The following EPHA5 variants were observed in gnomAD, a reference collection of about 807,000 sequenced individuals.
The protein encoded by EPHA5 is EPH receptor A5.
Under a neutral mutation model 105.0 loss-of-function variants are expected in EPHA5, and 60 were observed. That is an observed-to-expected ratio of 0.57 (90% CI 0.46 to 0.71). EPHA5 has a LOEUF of 0.71. EPHA5 is among the 30% of genes least tolerant of loss of function. The pLI is 0.00. For synonymous variants in EPHA5, 513 were observed against 449.1 expected (o/e 1.14, Z -1.80); for missense variants, 1,218 against 1,274.7 (o/e 0.96, Z 0.68).
intron 3 of EPHA5, among the ~76,000 whole-genome samples, chr4:65,569,006 AT>A (rs149411060): frequency 0.017 from 2,555 of 151,454 alleles, 78 homozygotes; most frequent in African/African-American, 0.058. Context: ...AAATGCTTAA[AT>A]GATTGAAAAG....
chr4:65,428,976 C>T (rs947802046), intron 5 of EPHA5, among the ~76,000 whole-genome samples: 2 of 151,926 alleles, frequency 1.3e-5, no homozygotes, highest in African/African-American at 2.4e-5. Flanking sequence ...CAACATGCCT[C>T]CTTCTGAATA....
At chr4:65,561,127 T>C (rs1251112256) in intron 3 of EPHA5, among the ~76,000 whole-genome samples, 2 of 151,582 alleles carry the variant, frequency 1.3e-5, no homozygotes, top group Non-Finnish European at 1.5e-5. Flanking sequence ...TTTGACATGA[T>C]GGAAAAAAAA....
intron 14 of EPHA5, among the ~76,000 whole-genome samples, chr4:65,345,574 A>T (rs1242388879): frequency 1.3e-5 from 2 of 152,232 alleles, no homozygotes; most frequent in Non-Finnish European, 2.9e-5. Context: ...GGGAACAGAC[A>T]GAGAGCGAGA....
intron 9 of EPHA5, among the ~76,000 whole-genome samples, chr4:65,366,515 A>G (rs1470027480): frequency 6.6e-6 from 1 of 151,938 alleles, no homozygotes; most frequent in Non-Finnish European, 1.5e-5. Context: ...CATATAAGTC[A>G]AAAGAAAGTA....
At chr4:65,403,915 C>T (rs956125233) in intron 8 of EPHA5, among the ~76,000 whole-genome samples, 4 of 152,020 alleles carry the variant, frequency 2.6e-5, no homozygotes, top group East Asian at 1.9e-4. Context: ...AGCTTGTTTG[C>T]CATAATTTCT....
intron 7 of EPHA5, among the ~76,000 whole-genome samples, chr4:65,410,319 G>A (rs907250412): frequency 6.6e-6 from 1 of 152,144 alleles, no homozygotes; most frequent in African/African-American, 2.4e-5. Flanking sequence ...CAAATTAAAA[G>A]GCACGTACTG....
intron 3 of EPHA5, among the ~76,000 whole-genome samples, chr4:65,573,079 G>T (rs1011194977): frequency 7.3e-5 from 11 of 151,348 alleles, no homozygotes; most frequent in African/African-American, 2.7e-4. Context: ...CGATAATTCT[G>T]GAAGTTATGT....
rs572081861 is a variant in EPHA5, at chr4:65,574,190, G to T, written c.910+27451C>A. 2.5e-6 allele frequency: 4 copies of T among 1,604,608 alleles called. No homozygotes were observed. The African/African-American group carries it at 5.4e-5, about 21-fold the overall frequency. On this transcript the variant is annotated intron_variant, in intron 3 of 16. Transcript: ENST00000613740. ...CAGAAAAAGGGAAATATGAGATTAC[G>T]GAGCAGCGCAAGATTGATCAGAAAG... is the stretch of plus-strand genomic sequence containing the variant.
At chr4:65,456,607 T>C (rs1054426476) in intron 5 of EPHA5, among the ~76,000 whole-genome samples, 4 of 152,188 alleles carry the variant, frequency 2.6e-5, no homozygotes, top group Non-Finnish European at 5.9e-5. Context: ...CTTGGAAATG[T>C]TTAATTAAAT....
chr4:65,582,203 A>T (rs1305371524), intron 3 of EPHA5, among the ~76,000 whole-genome samples: 1 of 151,770 alleles, frequency 6.6e-6, no homozygotes, highest in Non-Finnish European at 1.5e-5. Context: ...GATAAGATAG[A>T]TATGTATAAA....
At chr4:65,340,697 C>T (rs1014053125) in intron 14 of EPHA5, among the ~76,000 whole-genome samples, 1 of 152,066 alleles carries the variant, frequency 6.6e-6, no homozygotes, top group African/African-American at 2.4e-5. Context: ...GGAGGAAGTG[C>T]CCACAGAACC....
intron 13 of EPHA5, among the ~76,000 whole-genome samples, chr4:65,350,911 G>C (rs1722751012): frequency 6.6e-6 from 1 of 151,886 alleles, no homozygotes; most frequent in African/African-American, 2.4e-5. Context: ...GTGGGAGCTA[G>C]ATATTTCTGT....
intron 5 of EPHA5, among the ~76,000 whole-genome samples, chr4:65,459,805 G>A (rs1213713981): frequency 6.6e-6 from 1 of 151,716 alleles, no homozygotes; most frequent in African/African-American, 2.4e-5. Flanking sequence ...CAATATGGGA[G>A]ACAGTAATTT....
At chr4:65,325,642 A>T (rs930733192) in intron 16 of EPHA5, among the ~76,000 whole-genome samples, 2 of 151,392 alleles carry the variant, frequency 1.3e-5, no homozygotes, top group South Asian at 4.1e-4. Flanking sequence ...TAAAATTAGT[A>T]AAATTAGCTT....
intron 8 of EPHA5, chr4:65,377,029 G>C (rs1272854265): frequency 2.5e-6 from 4 of 1,609,392 alleles, no homozygotes; most frequent in Non-Finnish European, 3.4e-6. Flanking sequence ...ACAGCGCACA[G>C]GGAAGAAGCC....
chr4:65,378,130 A>AAAGTAGAC (rs1719191834), intron 8 of EPHA5, among the ~76,000 whole-genome samples: 1 of 151,968 alleles, frequency 6.6e-6, no homozygotes, highest in Admixed American at 6.6e-5. Context: ...TTTCAAAGAA[A>AAAGTAGAC]AAGTAGACAA....
chr4:65,468,957 C>T (rs1021279615), intron 5 of EPHA5, among the ~76,000 whole-genome samples: 8 of 151,906 alleles, frequency 5.3e-5, no homozygotes, highest in Non-Finnish European at 1.0e-4. Flanking sequence ...ATGGGGAAGT[C>T]TGTGGGGAAG....
chr4:65,517,806 G>A (rs949966040), intron 3 of EPHA5, among the ~76,000 whole-genome samples: 6 of 151,988 alleles, frequency 3.9e-5, no homozygotes, highest in African/African-American at 1.4e-4. Flanking sequence ...ATACAAAAAT[G>A]TAGCCCTTTC....
intron 14 of EPHA5, among the ~76,000 whole-genome samples, chr4:65,337,310 G>C (rs1721277462): frequency 6.6e-6 from 1 of 152,016 alleles, no homozygotes; most frequent in Non-Finnish European, 1.5e-5. Flanking sequence ...CAGAACACAA[G>C]AATTCATTCC....
Sources: gnomAD v4.1 joint callset for allele counts (sites outside exome capture counted in the v4.1 genomes callset) on GRCh38, gnomAD v4.1.1 for gene constraint, MANE v1.5 for transcripts, NCBI Gene and HGNC (gene_info 2026-07-23, HGNC 2026-07-21) for gene names.